AKT3: variants seen among roughly 807,000 people sequenced by gnomAD.
The protein encoded by AKT3 is RAC-gamma serine/threonine-protein kinase.
A neutral mutation model predicts 65.3 loss-of-function variants in AKT3; 15 were observed. The observed-to-expected ratio is 0.23, with a 90% CI of 0.15 to 0.35. AKT3 has a LOEUF of 0.35. Among genes scored for constraint, AKT3 ranks in the 10% least tolerant of loss-of-function variants. The probability of loss-of-function intolerance (pLI) is 1.00; values close to 1 mark genes in which losing one functional copy is unlikely to be tolerated. For missense variants in AKT3, 243 were observed against 576.5 expected (o/e 0.42, Z 5.92); for synonymous variants, 206 against 183.8 (o/e 1.12, Z -0.98).
chr1:243,705,475 T>C (rs1472368532), intron 2 of AKT3, among the ~76,000 whole-genome samples: 3 of 152,332 alleles, frequency 2.0e-5, no homozygotes, highest in East Asian at 3.9e-4. Context: ...AATTGACTAA[T>C]CAAATCCTTG....
At chr1:243,566,245 G>C (rs1041370130) in intron 9 of AKT3, among the ~76,000 whole-genome samples, 1 of 152,096 alleles carries the variant, frequency 6.6e-6, no homozygotes, top group Non-Finnish European at 1.5e-5. Context: ...CTGTAACCTC[G>C]TATCTCATCT....
intron 2 of AKT3, among the ~76,000 whole-genome samples, chr1:243,772,025 T>C (rs1187193037): frequency 6.6e-6 from 1 of 152,154 alleles, no homozygotes; most frequent in African/African-American, 2.4e-5. Context: ...TTACAACTCA[T>C]ACAAAAATTA....
At chr1:243,522,009 G>A (rs1346855054) in intron 12 of AKT3, among the ~76,000 whole-genome samples, 1 of 152,152 alleles carries the variant, frequency 6.6e-6, no homozygotes, top group Non-Finnish European at 1.5e-5. Flanking sequence ...AGTTATACCT[G>A]GAGAGGATTC....
chr1:243,642,997 G>A (rs1572086362), intron 5 of AKT3, among the ~76,000 whole-genome samples: 1 of 152,144 alleles, frequency 6.6e-6, no homozygotes, highest in Admixed American at 6.5e-5. Context: ...GAGCTCTGAC[G>A]AAGTTCACTC....
At chr1:243,572,658 A>C (rs945964575) in intron 9 of AKT3, among the ~76,000 whole-genome samples, 1 of 152,300 alleles carries the variant, frequency 6.6e-6, no homozygotes, top group Middle Eastern at 3.4e-3. Context: ...TTGTGAATTT[A>C]TTTGACTTAA....
chr1:243,580,380 G>A (rs576710457), intron 8 of AKT3, among the ~76,000 whole-genome samples: 2 of 152,314 alleles, frequency 1.3e-5, no homozygotes, highest in East Asian at 1.9e-4. Flanking sequence ...GGAGTGGCCT[G>A]GAGTCACTGT....
chr1:243,536,948 T>C (rs968245218), intron 12 of AKT3, among the ~76,000 whole-genome samples: 1 of 152,194 alleles, frequency 6.6e-6, no homozygotes, highest in African/African-American at 2.4e-5. Context: ...GCATCTGTTC[T>C]ACTCCTCTGG....
At position 243,499,753 on chromosome 1, in the gene AKT3, C is replaced by CAGTT; in HGVS notation, c.*5492_*5495dup. On this transcript the variant is annotated 3_prime_UTR_variant, in exon 14 of 14. Transcript: ENST00000673466. ...GAAACTTACTTTTTATTATTTTTTCCAGTTACCCAGCATGCCACAATCTGA... is the reference window on the plus strand; with the variant it reads ...GAAACTTACTTTTTATTATTTTTTCCAGTTAGTTACCCAGCATGCCACAATCTGA... 6.2e-7 allele frequency: 1 copy of CAGTT among 1,610,444 alleles called. No homozygotes were observed. Among genetic ancestry groups the CAGTT allele is most frequent in the Non-Finnish European group, 8.5e-7 (1 of 1,176,948 alleles).
chr1:243,655,741 A>G (rs1312379047), intron 4 of AKT3, among the ~76,000 whole-genome samples: 1 of 152,128 alleles, frequency 6.6e-6, no homozygotes, highest in Non-Finnish European at 1.5e-5. Context: ...CCTTTAAGCT[A>G]CCAATACCAA....
At chr1:243,844,974 TATC>T (rs1695449530) in intron 1 of AKT3, among the ~76,000 whole-genome samples, 1 of 152,190 alleles carries the variant, frequency 6.6e-6, no homozygotes, top group Non-Finnish European at 1.5e-5. Flanking sequence ...TCAAGAATCA[TATC>T]ATAAATTTTA....
chr1:243,677,087 A>C (rs924986120), intron 3 of AKT3, among the ~76,000 whole-genome samples: 1 of 152,240 alleles, frequency 6.6e-6, no homozygotes, highest in Non-Finnish European at 1.5e-5. Context: ...CTGCCAAACT[A>C]TAAGTACTTT....
At chr1:243,546,152 T>A (rs10803146) in intron 11 of AKT3, among the ~76,000 whole-genome samples, 8 of 152,056 alleles carry the variant, frequency 5.3e-5, no homozygotes, top group Non-Finnish European at 7.4e-5. Context: ...GCGATTCCCC[T>A]GCACATGCCC....
At chr1:243,824,033 A>T (rs1694009845) in intron 2 of AKT3, among the ~76,000 whole-genome samples, 1 of 152,252 alleles carries the variant, frequency 6.6e-6, no homozygotes, top group African/African-American at 2.4e-5. Flanking sequence ...AGAAACCATA[A>T]CAGCATGGTA....
intron 2 of AKT3, among the ~76,000 whole-genome samples, chr1:243,830,520 A>G (rs1322909564): frequency 1.3e-5 from 2 of 152,172 alleles, no homozygotes; most frequent in Non-Finnish European, 2.9e-5. Context: ...GAAGGCCTAT[A>G]AACTGGAAAA....
intron 2 of AKT3, among the ~76,000 whole-genome samples, chr1:243,739,129 C>T (rs970407865): frequency 1.3e-5 from 2 of 152,086 alleles, no homozygotes; most frequent in East Asian, 1.9e-4. Flanking sequence ...GGAATCTGGC[C>T]GGAGTAGTCC....
intron 2 of AKT3, among the ~76,000 whole-genome samples, chr1:243,726,039 AAC>A (rs1687188149): frequency 1.2e-5 from 1 of 86,606 alleles, no homozygotes; most frequent in South Asian, 3.6e-4. Flanking sequence ...TCATGCCTCC[AAC>A]ATTAATGTCT....
chr1:243,792,914 AC>A (rs2148341602), intron 2 of AKT3, among the ~76,000 whole-genome samples: 1 of 152,278 alleles, frequency 6.6e-6, no homozygotes, highest in South Asian at 2.1e-4. Flanking sequence ...AAGCCTCAAC[AC>A]CCCGTATAAA....
At chr1:243,756,271 A>C (rs1689131887) in intron 2 of AKT3, among the ~76,000 whole-genome samples, 1 of 152,230 alleles carries the variant, frequency 6.6e-6, no homozygotes, top group Non-Finnish European at 1.5e-5. Flanking sequence ...AACACAATTG[A>C]TACCCAGATT....
At chr1:243,708,074 G>A (rs530372573) in intron 2 of AKT3, among the ~76,000 whole-genome samples, 6 of 151,950 alleles carry the variant, frequency 3.9e-5, no homozygotes, top group South Asian at 2.1e-4. Flanking sequence ...AAACTAAAAC[G>A]CACCCGCCAA....
Sources: allele counts gnomAD v4.1 joint callset (sites outside exome capture counted in the v4.1 genomes callset), GRCh38; gene constraint gnomAD v4.1.1; transcripts MANE v1.5; gene names NCBI Gene and HGNC (gene_info 2026-07-23, HGNC 2026-07-21).